Variants in RMDN2 observed in about 807,000 individuals in gnomAD.
RMDN2 encodes regulator of microtubule dynamics 2.
RMDN2 carries 61 observed loss-of-function variants against 52.8 expected under a neutral mutation model. That is an observed-to-expected ratio of 1.16 (90% CI 0.94 to 1.43). The LOEUF is 1.43. Among genes scored for constraint, RMDN2 ranks in the 40% most tolerant of loss-of-function variants. RMDN2 has a pLI of 0.00. For missense variants in RMDN2, 592 were observed against 475.3 expected (o/e 1.25, Z -2.28); for synonymous variants, 180 against 153.1 (o/e 1.18, Z -1.30).
intron 10 of RMDN2, among the ~76,000 whole-genome samples, chr2:38,041,076 A>C (rs1680918961): frequency 6.6e-6 from 1 of 152,154 alleles, no homozygotes; most frequent in African/African-American, 2.4e-5. Flanking sequence ...TCCTGCTATA[A>C]TTGTTTATTA....
chr2:38,034,001 G>A (rs1474948414), intron 10 of RMDN2, among the ~76,000 whole-genome samples: 3 of 152,224 alleles, frequency 2.0e-5, no homozygotes, highest in African/African-American at 4.8e-5. Flanking sequence ...ATCTGTTGAC[G>A]TTTATCCCCC....
chr2:38,063,772 C>G lies in RMDN2; in HGVS notation c.1714-3210C>G, dbSNP rs116459791. On this transcript the variant is annotated intron_variant, in intron 10 of 10. Coordinates refer to the RMDN2 transcript ENST00000234195. Reference sequence around the variant, plus strand: ...TGAACAGACACTTCTCATACTGTAGCGTTTTGCACTTTCCCAAGCAATGTA... The same window carrying G: ...TGAACAGACACTTCTCATACTGTAGGGTTTTGCACTTTCCCAAGCAATGTA... Among the ~76,000 whole-genome samples the G allele has an allele frequency of 1.5e-3, 226 of 152,260 alleles. 1 individual carries two copies. The highest frequency in any genetic ancestry group is 2.0e-3 in the Non-Finnish European group (133 of 68,016).
intron 4 of RMDN2, among the ~76,000 whole-genome samples, chr2:37,980,704 T>A (rs566689529): frequency 2.0e-5 from 3 of 152,314 alleles, no homozygotes; most frequent in East Asian, 3.9e-4. Context: ...TGTGAATGAT[T>A]AGGCAAGAAC....
intron 10 of RMDN2, among the ~76,000 whole-genome samples, chr2:38,025,314 G>GT (rs983679841): frequency 6.6e-6 from 1 of 151,730 alleles, no homozygotes; most frequent in African/African-American, 2.4e-5. Flanking sequence ...TAGAAATGCA[G>GT]TTGTGTACAC....
chr2:37,987,003 A>G (rs10204858), intron 5 of RMDN2, among the ~76,000 whole-genome samples: 45,367 of 151,794 alleles, frequency 0.3, 7,382 homozygotes, highest in East Asian at 0.63. Flanking sequence ...AAAAGAAAAT[A>G]AAAGGTATGC....
chr2:38,063,090 G>A (rs1432428186), intron 10 of RMDN2, among the ~76,000 whole-genome samples: 2 of 151,958 alleles, frequency 1.3e-5, no homozygotes, highest in African/African-American at 2.4e-5. Flanking sequence ...ATGTGCATGT[G>A]TCTTTATAGC....
At chr2:38,036,455 A>G (rs1284851996) in intron 10 of RMDN2, 1 of 152,244 alleles carries the variant, frequency 6.6e-6, no homozygotes, top group Non-Finnish European at 1.5e-5. Flanking sequence ...GGAGTCCTGC[A>G]TGATATGGAC....
At chr2:37,940,356 T>C (rs1057197307) in intron 2 of RMDN2, among the ~76,000 whole-genome samples, 1 of 152,172 alleles carries the variant, frequency 6.6e-6, no homozygotes, top group African/African-American at 2.4e-5. Context: ...GACAATTATG[T>C]GTTTTGGGGT....
At chr2:37,968,172 G>T (rs1671318458) in intron 2 of RMDN2, among the ~76,000 whole-genome samples, 1 of 152,134 alleles carries the variant, frequency 6.6e-6, no homozygotes, top group African/African-American at 2.4e-5. Flanking sequence ...CAAGCATGGT[G>T]GCTCATGCCT....
At chr2:37,980,346 C>A (rs1400143507) in intron 4 of RMDN2, among the ~76,000 whole-genome samples, 1 of 152,104 alleles carries the variant, frequency 6.6e-6, no homozygotes, top group Non-Finnish European at 1.5e-5. Flanking sequence ...CTCTGTCCCC[C>A]AGGCTGGAGT....
chr2:37,986,038 T>G (rs1428389443), intron 5 of RMDN2, among the ~76,000 whole-genome samples: 1 of 152,190 alleles, frequency 6.6e-6, no homozygotes, highest in Admixed American at 6.5e-5. Context: ...ATGAGAATTT[T>G]TTTGTAAATT....
intron 5 of RMDN2, among the ~76,000 whole-genome samples, chr2:37,988,132 T>C (rs559524239): frequency 1.3e-5 from 2 of 152,358 alleles, no homozygotes; most frequent in African/African-American, 2.4e-5. Flanking sequence ...CTCCATACTT[T>C]CTGCTCAGTT....
chr2:38,028,235 G>A (rs1256665852), intron 10 of RMDN2: 1 of 152,154 alleles, frequency 6.6e-6, no homozygotes, highest in South Asian at 2.1e-4. Flanking sequence ...GTATGAAAGT[G>A]ACTATTTATT....
intron 10 of RMDN2, among the ~76,000 whole-genome samples, chr2:38,064,698 G>A (rs745515054): frequency 2.0e-5 from 3 of 151,628 alleles, no homozygotes; most frequent in Non-Finnish European, 4.4e-5. Flanking sequence ...ATATACCATC[G>A]AATAGTGGAG....
intron 10 of RMDN2, among the ~76,000 whole-genome samples, chr2:38,043,861 G>A (rs2125291934): frequency 6.6e-6 from 1 of 151,996 alleles, no homozygotes; most frequent in Non-Finnish European, 1.5e-5. Context: ...ATACATTGAT[G>A]CTATTATTAC....
chr2:37,929,787 T>G (rs1354010868), intron 2 of RMDN2, 58 bp downstream of exon 2: 4 of 1,186,070 alleles, frequency 3.4e-6, no homozygotes, highest in Non-Finnish European at 4.6e-6. Flanking sequence ...ATTACTATTA[T>G]TTAGGTATTT....
chr2:38,048,154 G>A (rs1018834304), intron 10 of RMDN2, among the ~76,000 whole-genome samples: 1 of 152,192 alleles, frequency 6.6e-6, no homozygotes, highest in African/African-American at 2.4e-5. Flanking sequence ...AGATATATAG[G>A]AGGCAGTAAA....
At chr2:37,952,335 AT>A in intron 2 of RMDN2, 1 of 786,130 alleles carries the variant, frequency 1.3e-6, no homozygotes, top group Non-Finnish European at 2.0e-6. Context: ...TCTGAAGAAG[AT>A]TCCTACATTG....
intron 7 of RMDN2, among the ~76,000 whole-genome samples, chr2:37,992,721 G>A (rs1001919173): frequency 1.3e-5 from 2 of 152,102 alleles, no homozygotes; most frequent in African/African-American, 2.4e-5. Flanking sequence ...AAAAAACAAA[G>A]AATAAAAAGC....
Sources: gnomAD v4.1 joint callset for allele counts (sites outside exome capture counted in the v4.1 genomes callset) on GRCh38, gnomAD v4.1.1 for gene constraint, MANE v1.5 for transcripts, NCBI Gene and HGNC (gene_info 2026-07-23, HGNC 2026-07-21) for gene names.